Variants in ANAPC7 observed in about 807,000 individuals in gnomAD.
ANAPC7 encodes the protein anaphase-promoting complex subunit 7.
A neutral mutation model predicts 63.3 loss-of-function variants in ANAPC7; 25 were observed. The ratio of observed to expected loss-of-function variants is 0.39; its 90% CI spans 0.29 to 0.55. The LOEUF is 0.55. Ranked by LOEUF, ANAPC7 falls within the 20% of genes least tolerant of loss-of-function variation. The pLI is 0.57. For synonymous variants in ANAPC7, 241 were observed against 251.7 expected (o/e 0.96, Z 0.40); for missense variants, 516 against 691.7 (o/e 0.75, Z 2.85).
At chr12:110,383,058 C>A in intron 6 of ANAPC7, 98 bp from the exon 7 acceptor site, 2 of 815,732 alleles carry the variant, frequency 2.5e-6, no homozygotes, top group Non-Finnish European at 3.9e-6. Context: ...CATGCTGAGG[C>A]CCCAGCTCCT....
At chr12:110,402,162 G>A (rs558285245) in intron 1 of ANAPC7, among the ~76,000 whole-genome samples, 1 of 151,222 alleles carries the variant, frequency 6.6e-6, no homozygotes, top group African/African-American at 2.4e-5. Flanking sequence ...GCGACAGAGC[G>A]AGGCTGTCTC....
chr12:110,380,992 T>G (rs890834419), intron 8 of ANAPC7, among the ~76,000 whole-genome samples: 2 of 150,750 alleles, frequency 1.3e-5, no homozygotes, highest in African/African-American at 4.9e-5. Context: ...TCTTGCATGG[T>G]GTCTGACACA....
At chr12:110,381,538 C>T (rs1407388078) in intron 8 of ANAPC7, among the ~76,000 whole-genome samples, 3 of 151,818 alleles carry the variant, frequency 2.0e-5, no homozygotes, top group African/African-American at 7.3e-5. Flanking sequence ...GGTTTCACCA[C>T]GTTGGCCAGG....
In ANAPC7 at chr12:110,374,867, A is replaced by T. The variant is rs116863163; in HGVS notation, c.1509-534T>A. 6.9e-3 allele frequency among the ~76,000 whole-genome samples: 1,047 copies of T among 152,230 alleles called. 1 individual carries two copies. Among genetic ancestry groups the T allele is most frequent in the Non-Finnish European group, 9.4e-3 (641 of 68,006 alleles). On this transcript the variant is annotated intron_variant, in intron 10 of 10. Transcript: ENST00000455511. ...AGGTCAGACCCCAGGACCCAAGGCTACCCCTACCCAAGCATTCACATTTAG... is the reference window on the plus strand; with the variant it reads ...AGGTCAGACCCCAGGACCCAAGGCTTCCCCTACCCAAGCATTCACATTTAG...
intron 4 of ANAPC7, 42 bp downstream of exon 4, chr12:110,388,470 G>A (rs1566270518): frequency 1.4e-6 from 2 of 1,476,314 alleles, no homozygotes; most frequent in African/African-American, 2.8e-5. Context: ...TACTATCTTT[G>A]ACAGTAAACA....
At chr12:110,396,706 G>T (rs1278242803) in intron 1 of ANAPC7, among the ~76,000 whole-genome samples, 2 of 151,486 alleles carry the variant, frequency 1.3e-5, no homozygotes, top group Non-Finnish European at 2.9e-5. Context: ...GTAGACATGG[G>T]GTTTCGCCAT....
At chr12:110,383,909 A>G (rs537825711) in intron 6 of ANAPC7, among the ~76,000 whole-genome samples, 17 of 143,176 alleles carry the variant, frequency 1.2e-4, no homozygotes, top group Admixed American at 3.5e-4. Context: ...GAAAAAAAAA[A>G]GAAAAAAGAA....
intron 2 of ANAPC7, 66 bp downstream of exon 2, chr12:110,396,200 T>C (rs1294890145): frequency 4.1e-6 from 6 of 1,455,176 alleles, no homozygotes; most frequent in Non-Finnish European, 5.7e-6. Flanking sequence ...CTGGGGACCC[T>C]GTTCTAAATT....
intron 6 of ANAPC7, among the ~76,000 whole-genome samples, chr12:110,383,875 CA>C (rs1159374781): frequency 0.12 from 5,955 of 50,732 alleles, 19 homozygotes; most frequent in African/African-American, 0.14. Context: ...GACTCCGTCT[CA>C]AAAAAAAAAA....
chr12:110,387,145 G>C (rs2137950646), intron 5 of ANAPC7: 1 of 152,106 alleles, frequency 6.6e-6, no homozygotes, highest in African/African-American at 2.4e-5. Context: ...CAGGAGGATG[G>C]TTTGAGCCCG....
intron 1 of ANAPC7, among the ~76,000 whole-genome samples, chr12:110,396,793 G>T (rs560126467): frequency 1.3e-5 from 2 of 152,058 alleles, no homozygotes; most frequent in South Asian, 4.2e-4. Flanking sequence ...GGGATTACAG[G>T]CGTGAGCCAT....
At chr12:110,387,929 A>G in intron 4 of ANAPC7, 37 bp from the exon 5 acceptor site, 1 of 1,606,060 alleles carries the variant, frequency 6.2e-7, no homozygotes, top group Admixed American at 1.7e-5. Flanking sequence ...AAAGTAAGGC[A>G]CGATATCTCT....
intron 7 of ANAPC7, among the ~76,000 whole-genome samples, chr12:110,382,472 ATATATATATATATATATATATATT>A (rs1882016716): frequency 8.0e-6 from 1 of 124,958 alleles, no homozygotes; most frequent in African/African-American, 3.2e-5. Flanking sequence ...ATATATATAT[ATATATATATATATATATATATATT>A]TATAGAGACA....
intron 8 of ANAPC7, among the ~76,000 whole-genome samples, chr12:110,379,948 T>G (rs1246935312): frequency 6.6e-6 from 1 of 152,206 alleles, no homozygotes; most frequent in Non-Finnish European, 1.5e-5. Flanking sequence ...GTGCCCACTC[T>G]GGAGGTCACA....
In ANAPC7 at chr12:110,381,954, G is replaced by C; in HGVS notation, c.936-6C>G. On this transcript the variant is annotated splice_polypyrimidine_tract_variant and splice_region_variant and intron_variant, in intron 7 of 10. Transcript: ENST00000455511. The stretch of plus-strand genomic sequence containing the variant: ...TGCTATAGAAGCTGTGACAGCTGGA[G>C]AAAAAAAAAAAAAAAAAAACACAAA... The C allele has an allele frequency of 3.2e-5, 31 of 975,600 alleles. No individual in the cohort carries two copies. Among genetic ancestry groups the C allele is most frequent in the East Asian group, 8.0e-5 (2 of 24,886 alleles). The allele number at this position is 975,600 out of a possible 1,614,324, so 60.4% of individuals were successfully genotyped here. A position where few individuals can be genotyped will look rare whatever the true frequency, so the allele number is the denominator to read the frequency against.
intron 1 of ANAPC7, 24 bp from the exon 2 acceptor site, chr12:110,396,476 T>C (rs2062137583): frequency 6.4e-7 from 1 of 1,556,638 alleles, no homozygotes; most frequent in Non-Finnish European, 8.7e-7. Context: ...GAAAATGTAA[T>C]ACATCTTTTC....
intron 1 of ANAPC7, among the ~76,000 whole-genome samples, chr12:110,400,070 G>A (rs1469507794): frequency 2.0e-5 from 3 of 151,826 alleles, no homozygotes; most frequent in Non-Finnish European, 2.9e-5. Context: ...CAGCCCTGGC[G>A]ACAGAGTGAG....
chr12:110,382,440 TTAA>T (rs1268118124), intron 7 of ANAPC7, among the ~76,000 whole-genome samples: 68 of 26,696 alleles, frequency 2.5e-3, no homozygotes, highest in African/African-American at 9.0e-3. Flanking sequence ...GATTATCCTT[TTAA>T]AAAAAAAAAA....
intron 4 of ANAPC7, 142 bp from the exon 5 acceptor site, chr12:110,388,034 T>G (rs1882768914): frequency 1.1e-6 from 1 of 879,280 alleles, no homozygotes; most frequent in African/African-American, 1.7e-5. Flanking sequence ...AAACCATAAT[T>G]TAGTATTTCT....
Sources: allele counts gnomAD v4.1 joint callset (sites outside exome capture counted in the v4.1 genomes callset), GRCh38; gene constraint gnomAD v4.1.1; transcripts MANE v1.5; gene names NCBI Gene and HGNC (gene_info 2026-07-23, HGNC 2026-07-21).